Variants in ARHGAP24 observed in about 807,000 individuals in gnomAD.
ARHGAP24 encodes the protein rho GTPase-activating protein 24.
ARHGAP24 carries 50 observed loss-of-function variants against 76.4 expected under a neutral mutation model. That is an observed-to-expected ratio of 0.65 (90% CI 0.52 to 0.83). ARHGAP24 has a LOEUF of 0.83. ARHGAP24 is among the 40% of genes least tolerant of loss of function. ARHGAP24 has a pLI of 0.00. For synonymous variants in ARHGAP24, 345 were observed against 323.3 expected (o/e 1.07, Z -0.72); for missense variants, 930 against 914.2 (o/e 1.02, Z -0.22).
At chr4:85,712,296 C>T (rs905320305) in intron 2 of ARHGAP24, among the ~76,000 whole-genome samples, 3 of 152,012 alleles carry the variant, frequency 2.0e-5, no homozygotes, top group African/African-American at 7.2e-5. Flanking sequence ...CCTTGCACAC[C>T]CTGGATTCTC....
chr4:85,878,225 ATG>A (rs1205471187), intron 3 of ARHGAP24, among the ~76,000 whole-genome samples: 2 of 152,144 alleles, frequency 1.3e-5, no homozygotes, highest in African/African-American at 2.4e-5. Context: ...AGATATGTAT[ATG>A]TGTTTTTGAT....
intron 3 of ARHGAP24, among the ~76,000 whole-genome samples, chr4:85,868,269 GGTTGTGGAAGCCAGT>G (rs1732320335): frequency 6.6e-6 from 1 of 152,068 alleles, no homozygotes; most frequent in Non-Finnish European, 1.5e-5. Context: ...TTAAGGTAAG[GGTTGTGGAAGCCAGT>G]GTTCATATTA....
Position 85,728,716 on chromosome 4 carries a change from A to G in ARHGAP24, c.268+6744A>G, listed in dbSNP as rs568692102. 3.5e-4 allele frequency among the ~76,000 whole-genome samples: 53 copies of G among 152,336 alleles called. 1 individual carries two copies. The highest frequency in any genetic ancestry group is 1.3e-3 in the African/African-American group (52 of 41,578). On this transcript the variant is annotated intron_variant, in intron 3 of 9. Coordinates refer to ENST00000395184, the MANE Select transcript of ARHGAP24 (RefSeq NM_001025616.3). ...TGTTACATAATAGGCCAGCTGAGAA[A>G]TAAATAGTTATGAGATAGATTCATG...
chr4:85,748,704 T>G (rs1348413058), intron 3 of ARHGAP24, among the ~76,000 whole-genome samples: 1 of 152,164 alleles, frequency 6.6e-6, no homozygotes, highest in Non-Finnish European at 1.5e-5. Flanking sequence ...AAGAAATATG[T>G]TTTATCTCCC....
intron 3 of ARHGAP24, among the ~76,000 whole-genome samples, chr4:85,775,619 A>G (rs1187306666): frequency 6.6e-6 from 1 of 151,906 alleles, no homozygotes; most frequent in Non-Finnish European, 1.5e-5. Flanking sequence ...CTCCCACAAC[A>G]CCTGGGAATT....
chr4:85,801,126 T>A (rs1728562964), intron 3 of ARHGAP24, among the ~76,000 whole-genome samples: 1 of 152,150 alleles, frequency 6.6e-6, no homozygotes, highest in African/African-American at 2.4e-5. Flanking sequence ...TTATATTTTT[T>A]ATCCTTTTTT....
At chr4:85,683,713 A>G (rs114655196) in intron 2 of ARHGAP24, among the ~76,000 whole-genome samples, 2,319 of 152,254 alleles carry the variant, frequency 0.015, 60 homozygotes, top group African/African-American at 0.052. Context: ...CTCATCTTGC[A>G]TGACTAAGAC....
intron 1 of ARHGAP24, among the ~76,000 whole-genome samples, chr4:85,529,827 C>T (rs1314827271): frequency 6.6e-6 from 1 of 151,924 alleles, no homozygotes; most frequent in African/African-American, 2.4e-5. Context: ...GTCAGCAAAA[C>T]CTGATGTGAC....
intron 2 of ARHGAP24, among the ~76,000 whole-genome samples, chr4:85,593,288 C>T (rs1476278902): frequency 6.6e-6 from 1 of 152,032 alleles, no homozygotes; most frequent in African/African-American, 2.4e-5. Context: ...TTTTTGCCTG[C>T]ATTTTAATTG....
intron 1 of ARHGAP24, among the ~76,000 whole-genome samples, chr4:85,532,976 A>T (rs1402548624): frequency 6.6e-6 from 1 of 152,220 alleles, no homozygotes; most frequent in Non-Finnish European, 1.5e-5. Context: ...CCTGTCTGCT[A>T]AGACCATGGG....
At chr4:85,973,723 C>G (rs561342346) in intron 6 of ARHGAP24, among the ~76,000 whole-genome samples, 1 of 150,736 alleles carries the variant, frequency 6.6e-6, no homozygotes, top group Non-Finnish European at 1.5e-5. Context: ...AAGGAACAAA[C>G]TTAATTCTTC....
intron 2 of ARHGAP24, among the ~76,000 whole-genome samples, chr4:85,666,817 G>C (rs59319439): frequency 6.6e-6 from 1 of 152,070 alleles, no homozygotes; most frequent in Non-Finnish European, 1.5e-5. Flanking sequence ...GCAGATTTTC[G>C]TGAACCGCGA....
intron 3 of ARHGAP24, among the ~76,000 whole-genome samples, chr4:85,858,918 A>AT (rs1004995658): frequency 6.6e-6 from 1 of 151,268 alleles, no homozygotes; most frequent in African/African-American, 2.4e-5. Flanking sequence ...AGCACCTTTC[A>AT]TATCAACTTC....
chr4:85,849,780 G>A (rs536822628), intron 3 of ARHGAP24, among the ~76,000 whole-genome samples: 86 of 152,202 alleles, frequency 5.7e-4, no homozygotes, highest in Non-Finnish European at 2.5e-4. Context: ...AACCATCCTT[G>A]CATCCCAGGG....
chr4:85,903,434 G>A (rs1253081709), intron 3 of ARHGAP24, among the ~76,000 whole-genome samples: 1 of 151,976 alleles, frequency 6.6e-6, no homozygotes, highest in African/African-American at 2.4e-5. Flanking sequence ...ATTATTATAT[G>A]GCAGTTATAT....
intron 3 of ARHGAP24, among the ~76,000 whole-genome samples, chr4:85,896,272 T>C (rs981072983): frequency 2.6e-5 from 4 of 152,238 alleles, no homozygotes; most frequent in Admixed American, 2.6e-4. Context: ...TATTACTTTT[T>C]TATGTTTACG....
At chr4:85,619,881 AT>A (rs999906842) in intron 2 of ARHGAP24, among the ~76,000 whole-genome samples, 32 of 151,476 alleles carry the variant, frequency 2.1e-4, no homozygotes, top group African/African-American at 6.8e-4. Flanking sequence ...AAATGATCTT[AT>A]TTTTTTTCAA....
intron 1 of ARHGAP24, among the ~76,000 whole-genome samples, chr4:85,525,312 TA>T (rs1310389913): frequency 6.6e-6 from 1 of 151,314 alleles, no homozygotes; most frequent in Non-Finnish European, 1.5e-5. Flanking sequence ...TATGCATTTA[TA>T]TCCTTTTCAC....
chr4:85,801,588 T>C (rs1352924562), intron 3 of ARHGAP24, among the ~76,000 whole-genome samples: 1 of 152,232 alleles, frequency 6.6e-6, no homozygotes, highest in African/African-American at 2.4e-5. Context: ...CTAAGTAAAA[T>C]AGGAGTAACT....
Sources: allele counts gnomAD v4.1 joint callset (sites outside exome capture counted in the v4.1 genomes callset), GRCh38; gene constraint gnomAD v4.1.1; transcripts MANE v1.5; gene names NCBI Gene and HGNC (gene_info 2026-07-23, HGNC 2026-07-21).